Variants in DYTN observed in about 807,000 individuals in gnomAD.
The protein encoded by DYTN is dystrotelin.
In DYTN, 75 loss-of-function variants were observed where a neutral mutation model predicts 69.6. The ratio of observed to expected loss-of-function variants is 1.08; its 90% CI spans 0.89 to 1.31. The LOEUF (loss-of-function observed/expected upper bound fraction) is 1.31, where lower values mean the gene tolerates loss of function less well. Ranked by LOEUF, DYTN falls within the 50% of genes most tolerant of loss-of-function variation. The pLI is 0.00. For missense variants in DYTN, 726 were observed against 688.4 expected (o/e 1.05, Z -0.61); for synonymous variants, 252 against 249.1 (o/e 1.01, Z -0.11).
intron 9 of DYTN, among the ~76,000 whole-genome samples, chr2:206,683,339 C>CT (rs10531348): frequency 0.012 from 1,327 of 111,864 alleles, 17 homozygotes; most frequent in Non-Finnish European, 0.013. Context: ...TTTACTTTTT[C>CT]TTTTTTTTTT....
chr2:206,715,393 T>G (rs1229868715), intron 1 of DYTN, among the ~76,000 whole-genome samples: 4 of 152,098 alleles, frequency 2.6e-5, no homozygotes, highest in Non-Finnish European at 4.4e-5. Flanking sequence ...TGCATCCTTA[T>G]CCAGCACAGG....
chr2:206,710,329 A>T (rs971723464), intron 2 of DYTN, among the ~76,000 whole-genome samples, 195 bp downstream of exon 2: 7 of 152,234 alleles, frequency 4.6e-5, no homozygotes, highest in Non-Finnish European at 8.8e-5. Flanking sequence ...CATCAGCAAA[A>T]CTACACATGG....
chr2:206,714,925 C>T (rs957038880), intron 1 of DYTN, among the ~76,000 whole-genome samples: 2 of 152,024 alleles, frequency 1.3e-5, no homozygotes, highest in Non-Finnish European at 2.9e-5. Flanking sequence ...CCCTCCCAAA[C>T]TTAACTCAGC....
At chr2:206,663,471 T>C in intron 10 of DYTN, 76 bp from the exon 11 acceptor site, 2 of 1,429,988 alleles carry the variant, frequency 1.4e-6, no homozygotes, top group South Asian at 1.5e-5. Context: ...CATTTCAACA[T>C]TCCAACAGAA....
At chr2:206,677,167 C>T (rs530034653) in intron 9 of DYTN, among the ~76,000 whole-genome samples, 45 of 152,084 alleles carry the variant, frequency 3.0e-4, no homozygotes, top group African/African-American at 8.7e-4. Context: ...AAACTGGTCT[C>T]GAACTTCTGA....
At chr2:206,656,702 C>A (rs1014587064) in intron 11 of DYTN, among the ~76,000 whole-genome samples, 1 of 108,582 alleles carries the variant, frequency 9.2e-6, no homozygotes, top group African/African-American at 3.2e-5. Flanking sequence ...CTGATAATAA[C>A]TTCACTTCAA....
intron 9 of DYTN, among the ~76,000 whole-genome samples, chr2:206,680,558 T>C (rs1699740178): frequency 6.6e-6 from 1 of 152,320 alleles, no homozygotes; most frequent in East Asian, 1.9e-4. Flanking sequence ...TCCAGTATAG[T>C]AGATAGCAGC....
chr2:206,686,678 T>C (rs1699812449), intron 9 of DYTN: 1 of 152,216 alleles, frequency 6.6e-6, no homozygotes, highest in South Asian at 2.1e-4. Context: ...CCCCTACAAA[T>C]GTCCCCATGG....
At chr2:206,705,665 T>A in intron 4 of DYTN, 123 bp downstream of exon 4, 1 of 752,370 alleles carries the variant, frequency 1.3e-6, no homozygotes, top group South Asian at 2.6e-5. Context: ...TATTTTTATT[T>A]AATAAACACA....
At chr2:206,699,612 T>C in intron 7 of DYTN, 115 bp downstream of exon 7, 1 of 1,302,778 alleles carries the variant, frequency 7.7e-7, no homozygotes. Context: ...GCCAAAAAAG[T>C]CAACTGAATT....
intron 4 of DYTN, 169 bp from the exon 5 acceptor site, chr2:206,705,112 T>G (rs1049771465): frequency 3.2e-6 from 2 of 619,666 alleles, no homozygotes; most frequent in Non-Finnish European, 5.6e-6. Context: ...CTATTTTGTT[T>G]TTAAATGAGG....
intron 1 of DYTN, among the ~76,000 whole-genome samples, chr2:206,717,972 A>G (rs149545769): frequency 6.6e-6 from 1 of 152,232 alleles, no homozygotes; most frequent in East Asian, 1.9e-4. Flanking sequence ...AACTAAGGTA[A>G]TAGTTTCTGT....
chr2:206,662,849 A>G, intron 11 of DYTN, 54 bp downstream of exon 11: 1 of 1,548,236 alleles, frequency 6.5e-7, no homozygotes, highest in Non-Finnish European at 8.7e-7. Flanking sequence ...AGTTTTTAAA[A>G]AGGCAGCTTG....
intron 5 of DYTN, chr2:206,701,259 T>C (rs919772235): frequency 1.3e-5 from 2 of 152,056 alleles, no homozygotes; most frequent in African/African-American, 2.4e-5. Flanking sequence ...ATTTCTGAGG[T>C]AGGATGGTAA....
chr2:206,676,347 A>G (rs1453324810), intron 9 of DYTN, among the ~76,000 whole-genome samples: 2 of 152,084 alleles, frequency 1.3e-5, no homozygotes, highest in Non-Finnish European at 2.9e-5. Context: ...CAAACACTGC[A>G]TGTTCTCACT....
At chr2:206,667,582 A>G (rs1699586836) in intron 9 of DYTN, among the ~76,000 whole-genome samples, 1 of 152,076 alleles carries the variant, frequency 6.6e-6, no homozygotes, top group Non-Finnish European at 1.5e-5. Flanking sequence ...AAATTTCTAG[A>G]CAGCCATACA....
chr2:206,680,290 GC>G (rs1699736714), intron 9 of DYTN, among the ~76,000 whole-genome samples: 1 of 152,080 alleles, frequency 6.6e-6, no homozygotes, highest in Non-Finnish European at 1.5e-5. Context: ...TATGAGAAGA[GC>G]ATGGGAAAAA....
intron 11 of DYTN, among the ~76,000 whole-genome samples, chr2:206,653,155 C>A (rs985153381): frequency 6.6e-6 from 1 of 152,150 alleles, no homozygotes; most frequent in South Asian, 2.1e-4. Flanking sequence ...GACTAACAAA[C>A]CTTGTCCAGA....
intron 9 of DYTN, among the ~76,000 whole-genome samples, chr2:206,672,094 T>A (rs1335888897): frequency 1.3e-5 from 2 of 152,212 alleles, no homozygotes; most frequent in African/African-American, 4.8e-5. Context: ...TCTGCAAAGA[T>A]ATACTTCAAA....
Sources: allele counts gnomAD v4.1 joint callset (sites outside exome capture counted in the v4.1 genomes callset), GRCh38; gene constraint gnomAD v4.1.1; transcripts MANE v1.5; gene names NCBI Gene and HGNC (gene_info 2026-07-23, HGNC 2026-07-21).